The following PRRT3 variants were observed in gnomAD, a reference collection of about 807,000 sequenced individuals.
PRRT3 encodes proline rich transmembrane protein 3, also known as proline-rich transmembrane protein 3.
In PRRT3, 48 loss-of-function variants were observed where a neutral mutation model predicts 56.6. The observed-to-expected ratio is 0.85, with a 90% CI of 0.67 to 1.08. The LOEUF is 1.08. Ranked by LOEUF, PRRT3 falls within the 50% of genes least tolerant of loss-of-function variation. The pLI, the probability that PRRT3 is intolerant of heterozygous loss-of-function variation, is 0.00. For synonymous variants in PRRT3, 641 were observed against 619.1 expected (o/e 1.04, Z -0.52); for missense variants, 1,370 against 1,353.1 (o/e 1.01, Z -0.20).
At chr3:9,948,642 T>TATA in intron 3 of PRRT3, 116 bp downstream of exon 3, 1 of 1,240,532 alleles carries the variant, frequency 8.1e-7, no homozygotes, top group Non-Finnish European at 1.2e-6. Flanking sequence ...GCAACTCCTT[T>TATA]AAGGAGGTGA....
In PRRT3 at chr3:9,949,536, T is replaced by A; in HGVS notation, c.580A>T (p.Ser194Cys). The change falls in exon 2 of 4, where the codon AGC becomes TGC. Residue 194 changes from serine (S) to cysteine (C), a missense_variant. Coordinates refer to ENST00000412055, the MANE Select transcript of PRRT3 (RefSeq NM_207351.5). This position sits in a 1 kb window ranked among gnomAD's most constrained non-coding sequence, Gnocchi z 4.5. ...GAGGGAGAAGTGGGTGGGACCCTGC[T>A]CTTAGTTTTGGCCTTCAGACCCTCA... ...RDEGLKAKTKSRVPPTSPSDH... is the reference protein window; with the variant it reads ...RDEGLKAKTKCRVPPTSPSDH... The A allele has an allele frequency of 6.2e-7, 1 of 1,613,994 alleles. No individual in the cohort carries two copies. The highest frequency in any genetic ancestry group is 1.1e-5 in the South Asian group (1 of 91,080).
rs1349890937 is a variant in PRRT3, at chr3:9,949,727, G to A, written c.389C>T (p.Pro130Leu). 6.2e-7 allele frequency: 1 copy of A among 1,614,174 alleles called. No individual in the cohort carries two copies. Among genetic ancestry groups the A allele is most frequent in the East Asian group, 2.2e-5 (1 of 44,886 alleles). ...CTGCAGAAGCTCTTGTGAGTCCAGA[G>A]GTCCTGTCCAGCCGTGGGAGCTTGG... ...QGPSSHGWTG[P>L]LDSQELLQQE... is the part of the protein sequence containing the mutation. Residue 130 changes from proline (P) to leucine (L), a missense_variant, in exon 2 of 4, where the codon CCT becomes CTT. Coordinates refer to ENST00000412055, the MANE Select transcript of PRRT3 (RefSeq NM_207351.5). The surrounding 1 kb of genome is among the most constrained non-coding windows in gnomAD (Gnocchi z 4.5).
rs1046302975 is a variant in PRRT3 at position 9,946,410 on chromosome 3, G to A, written c.2763C>T (p.His921=). ...GCAGACTGTCCACTGATGACAGCCC[G>A]TGGCGCCAGGGGTTCCAACTGATCT... is the stretch of plus-strand genomic sequence containing the variant. The part of the protein sequence containing the change: ...SLKISWNPWR[H]GLSSVDSLPL... Residue 921 remains histidine (H), a synonymous_variant, in exon 4 of 4, where the codon CAC becomes CAT. Transcript: ENST00000412055. This position sits in a 1 kb window ranked among gnomAD's most constrained non-coding sequence, Gnocchi z 4.1. The A allele has an allele frequency of 1.2e-6, 2 of 1,605,572 alleles. No homozygotes were observed. The highest frequency in any genetic ancestry group is 1.7e-6 in the Non-Finnish European group (2 of 1,175,394).
chr3:9,949,549 C>T lies in PRRT3; in HGVS notation c.567G>A (p.Lys189=), dbSNP rs1042255479. 1.2e-6 allele frequency: 2 copies of T among 1,614,094 alleles called. No individual in the cohort carries two copies. Among genetic ancestry groups the T allele is most frequent in the African/African-American group, 2.7e-5 (2 of 75,036 alleles). Reference sequence around the variant, plus strand: ...GTGGGACCCTGCTCTTAGTTTTGGCCTTCAGACCCTCATCTCTAGGTGGCC... The same window carrying T: ...GTGGGACCCTGCTCTTAGTTTTGGCTTTCAGACCCTCATCTCTAGGTGGCC... ...GQWPPRDEGL[K]AKTKSRVPPT... Residue 189 remains lysine (K), a synonymous_variant, in exon 2 of 4, where the codon AAG becomes AAA. Coordinates refer to ENST00000412055, the MANE Select transcript of PRRT3 (RefSeq NM_207351.5). This position sits in a 1 kb window ranked among gnomAD's most constrained non-coding sequence, Gnocchi z 4.5.
rs2085510366 is a variant in PRRT3 at position 9,945,989 on chromosome 3, T to C, written c.*238A>G. ...GCTGGGACTACAGGCGTGTGCCACC[T>C]GGCTAATTTTTTTGTATTTTTAGTA... On this transcript the variant is annotated 3_prime_UTR_variant, in exon 4 of 4. Coordinates refer to ENST00000412055, the MANE Select transcript of PRRT3 (RefSeq NM_207351.5). The C allele has an allele frequency of 1.9e-6, 1 of 517,824 alleles. No individual in the cohort carries two copies. The highest frequency in any genetic ancestry group is 2.4e-5 in the South Asian group (1 of 42,546). The allele number at this position is 517,824 out of a possible 1,614,324, so 32.1% of individuals were successfully genotyped here.
rs746606686 is a variant in PRRT3, at chr3:9,946,755, C to T, written c.2418G>A (p.Pro806=). 2.4e-5 allele frequency: 37 copies of T among 1,531,548 alleles called. No homozygotes were observed. The African/African-American group carries it at 3.6e-4, about 15-fold the overall frequency. The allele number at this position is 1,531,548 out of a possible 1,614,324, so 94.9% of individuals were successfully genotyped here. The change falls in exon 4 of 4, where the codon CCG becomes CCA. Residue 806 remains proline (P), a synonymous_variant. Coordinates refer to ENST00000412055, the MANE Select transcript of PRRT3 (RefSeq NM_207351.5). The surrounding 1 kb of genome is among the most constrained non-coding windows in gnomAD (Gnocchi z 4.1). The part of the protein sequence containing the change: ...APSLSELDLR[P]PSPINLSRSI... ...TGCGGCTCAGGTTGATGGGCGATGG[C>T]GGCCGCAGATCCAGCTCGCTCAGCG...
chr3:9,946,449 G>A lies in PRRT3; in HGVS notation c.2724C>T (p.Ser908=). The part of the protein sequence containing the change: ...AASGSSLDSF[S]RGSLKISWNP... ...TCCAACTGATCTTGAGTGAACCCCTGGAGAAGCTGTCGAGGGAGCTGCCAG... is the reference window on the plus strand; with the variant it reads ...TCCAACTGATCTTGAGTGAACCCCTAGAGAAGCTGTCGAGGGAGCTGCCAG... The change falls in exon 4 of 4, where the codon TCC becomes TCT. Residue 908 remains serine, a synonymous_variant. Coordinates refer to ENST00000412055, the MANE Select transcript of PRRT3 (RefSeq NM_207351.5). This position sits in a 1 kb window ranked among gnomAD's most constrained non-coding sequence, Gnocchi z 4.1. 1.3e-6 allele frequency: 2 copies of A among 1,582,186 alleles called. No individual in the cohort carries two copies. Among genetic ancestry groups the A allele is most frequent in the Non-Finnish European group, 1.7e-6 (2 of 1,164,544 alleles).
chr3:9,946,790 G>T lies in PRRT3; in HGVS notation c.2383C>A (p.Pro795Thr). 1.3e-6 allele frequency: 2 copies of T among 1,552,950 alleles called. No homozygotes were observed. Among genetic ancestry groups the T allele is most frequent in the Non-Finnish European group, 8.6e-7 (1 of 1,157,354 alleles). ...GPGLSRNGVG[P>T]APSLSELDLR... ...TCCAGCTCGCTCAGCGATGGCGCCG[G>T]TCCCACACCGTTGCGGGACAGTCCC... Residue 795 changes from proline (P) to threonine (T), a missense_variant, in exon 4 of 4, where the codon CCG becomes ACG. Pro to Thr is a conservative substitution (Grantham distance 38). Coordinates refer to ENST00000412055, the MANE Select transcript of PRRT3 (RefSeq NM_207351.5). This position sits in a 1 kb window ranked among gnomAD's most constrained non-coding sequence, Gnocchi z 4.1.
At position 9,945,979 on chromosome 3, in the gene PRRT3, G is replaced by A; in HGVS notation, c.*248C>T. On this transcript the variant is annotated 3_prime_UTR_variant, in exon 4 of 4. Transcript: ENST00000412055. ...CTCCCGAGTAGCTGGGACTACAGGC[G>A]TGTGCCACCTGGCTAATTTTTTTGT... The A allele has an allele frequency of 2.2e-6, 1 of 459,136 alleles. No individual in the cohort carries two copies. The highest frequency in any genetic ancestry group is 3.8e-6 in the Non-Finnish European group (1 of 263,080). 28.4% of individuals were successfully genotyped at this position (459,136 alleles called of 1,614,324 possible). A position where few individuals can be genotyped will look rare whatever the true frequency, so the allele number is the denominator to read the frequency against.
rs764907509 is a variant in PRRT3 at position 9,947,628 on chromosome 3, C to T, written c.1545G>A (p.Ala515=). The T allele has an allele frequency of 6.3e-7, 1 of 1,580,012 alleles. No individual in the cohort carries two copies. Among genetic ancestry groups the T allele is most frequent in the Non-Finnish European group, 8.6e-7 (1 of 1,162,818 alleles). The change falls in exon 4 of 4, where the codon GCG becomes GCA. Residue 515 remains alanine, a synonymous_variant. Coordinates refer to ENST00000412055, the MANE Select transcript of PRRT3 (RefSeq NM_207351.5). The surrounding 1 kb of genome is among the most constrained non-coding windows in gnomAD (Gnocchi z 9.2). ...VAAVLVLVAS[A]LRSAYMLTDP... is the part of the protein sequence containing the mutation. ...CGGTAAGCATGTAGGCGGATCGCAG[C>T]GCCGAAGCCACGAGCACCAGCACCG...
chr3:9,947,688 GGCTGCCAGCGCAGCCAGCGCCAACAAC>G lies in PRRT3; in HGVS notation c.1458_1484del (p.Leu487_Ala495del). ...ATGCCAGCCGGGGCCCTGCTGGGGC[GGCTGCCAGCGCAGCCAGCGCCAACAAC>G]GCGGGCAGCAGAAAGAGTACCCCCA... is the stretch of plus-strand genomic sequence containing the variant. On this transcript the variant is annotated inframe_deletion, in exon 4 of 4. Coordinates refer to ENST00000412055, the MANE Select transcript of PRRT3 (RefSeq NM_207351.5). The surrounding 1 kb of genome is among the most constrained non-coding windows in gnomAD (Gnocchi z 9.2). The G allele has an allele frequency of 6.4e-7, 1 of 1,568,148 alleles. No individual in the cohort carries two copies. The highest frequency in any genetic ancestry group is 8.6e-7 in the Non-Finnish European group (1 of 1,160,460).
Position 9,946,362 on chromosome 3 carries a change from C to T in PRRT3, c.2811G>A (p.Thr937=), listed in dbSNP as rs747457962. 4.3e-6 allele frequency: 7 copies of T among 1,609,354 alleles called. No individual in the cohort carries two copies. Among genetic ancestry groups the T allele is most frequent in the Non-Finnish European group, 5.9e-6 (7 of 1,177,752 alleles). Reference sequence around the variant, plus strand: ...GGGTCGGGGCAGGCAGTAGCTGTACCGTGCTGGGCAACTCATCTAGGGGCA... The same window carrying T: ...GGGTCGGGGCAGGCAGTAGCTGTACTGTGCTGGGCAACTCATCTAGGGGCA... The part of the protein sequence containing the change: ...DSLPLDELPS[T]VQLLPAPTPA... Residue 937 remains threonine (T), a synonymous_variant, in exon 4 of 4, where the codon ACG becomes ACA. Transcript: ENST00000412055. This position sits in a 1 kb window ranked among gnomAD's most constrained non-coding sequence, Gnocchi z 4.1.
chr3:9,946,734 G>C lies in PRRT3; in HGVS notation c.2439C>G (p.Ser813Arg). The change falls in exon 4 of 4, where the codon AGC becomes AGG. Residue 813 changes from serine to arginine, a missense_variant. By Grantham distance (110) the Ser-to-Arg change is moderately radical. Coordinates refer to ENST00000412055, the MANE Select transcript of PRRT3 (RefSeq NM_207351.5). This position sits in a 1 kb window ranked among gnomAD's most constrained non-coding sequence, Gnocchi z 4.1. ...DLRPPSPINLSRSIDAALFRE... is the reference protein window; with the variant it reads ...DLRPPSPINLRRSIDAALFRE... ...GGAAGAGCGCGGCGTCGATGCTGCG[G>C]CTCAGGTTGATGGGCGATGGCGGCC... is the stretch of plus-strand genomic sequence containing the variant. 6.6e-7 allele frequency: 1 copy of C among 1,515,172 alleles called. No homozygotes were observed. Among genetic ancestry groups the C allele is most frequent in the South Asian group, 1.3e-5 (1 of 77,434 alleles). 93.9% of individuals were successfully genotyped at this position (1,515,172 alleles called of 1,614,324 possible).
Position 9,946,976 on chromosome 3 carries a change from G to A in PRRT3, c.2197C>T (p.Pro733Ser), listed in dbSNP as rs1373264525. 10 of 1,543,970 alleles carry A rather than the reference G, an allele frequency of 6.5e-6. No homozygotes were observed. The highest frequency in any genetic ancestry group is 8.7e-6 in the Non-Finnish European group (10 of 1,149,570). ...PSGKSEVPER[P>S]NNCYAGPSNV... Reference sequence around the variant, plus strand: ...CTGGGCCCTGCATAGCAGTTATTGGGTCGCTCCGGCACCTCGCTCTTTCCT... The same window carrying A: ...CTGGGCCCTGCATAGCAGTTATTGGATCGCTCCGGCACCTCGCTCTTTCCT... The change falls in exon 4 of 4, where the codon CCC (proline) becomes TCC (serine). Residue 733 changes from proline (P) to serine (S), a missense_variant. Transcript: ENST00000412055. This position sits in a 1 kb window ranked among gnomAD's most constrained non-coding sequence, Gnocchi z 4.1.
At position 9,947,912 on chromosome 3, in the gene PRRT3, G is replaced by A; in HGVS notation, c.1261C>T (p.Arg421Ter). ...CCCAGGGCTCGCTGCGTGGTGACTCGAATGAGGCCCCGGCGTGACGTCGAG... is the reference window on the plus strand; with the variant it reads ...CCCAGGGCTCGCTGCGTGGTGACTCAAATGAGGCCCCGGCGTGACGTCGAG... ...APSTSRRGLI[R>*]VTTQRALGQP... Residue 421 changes from arginine (R) to a stop codon, truncating the protein, a stop_gained, in exon 4 of 4, where the codon CGA becomes TGA. Coordinates refer to ENST00000412055, the MANE Select transcript of PRRT3 (RefSeq NM_207351.5). LOFTEE classifies it high-confidence loss of function. This position sits in a 1 kb window ranked among gnomAD's most constrained non-coding sequence, Gnocchi z 9.2. 7.0e-7 allele frequency: 1 copy of A among 1,421,720 alleles called. No homozygotes were observed. The highest frequency in any genetic ancestry group is 9.2e-7 in the Non-Finnish European group (1 of 1,090,856). The allele number at this position is 1,421,720 out of a possible 1,614,324, so 88.1% of individuals were successfully genotyped here.
Position 9,949,586 on chromosome 3 carries a change from T to C in PRRT3, c.530A>G (p.Gln177Arg). ...ATCTCTAGGTGGCCACTGTCCCTCTTGGCCTTCATGCTGCAGGGAGGGAGG... is the reference window on the plus strand; with the variant it reads ...ATCTCTAGGTGGCCACTGTCCCTCTCGGCCTTCATGCTGCAGGGAGGGAGG... ...TVPPSLQHEG[Q>R]EGQWPPRDEG... Residue 177 changes from glutamine (Q) to arginine (R), a missense_variant, in exon 2 of 4, where the codon CAA becomes CGA. Transcript: ENST00000412055. The surrounding 1 kb of genome is among the most constrained non-coding windows in gnomAD (Gnocchi z 4.5). 1 of 1,614,126 alleles carries C rather than the reference T, an allele frequency of 6.2e-7. No individual in the cohort carries two copies. The highest frequency in any genetic ancestry group is 8.5e-7 in the Non-Finnish European group (1 of 1,180,036).
Position 9,948,830 on chromosome 3 carries a change from G to A in PRRT3, c.1099C>T (p.Leu367Phe), listed in dbSNP as rs761011591. The A allele has an allele frequency of 4.3e-6, 7 of 1,613,300 alleles. No individual in the cohort carries two copies. The highest frequency in any genetic ancestry group is 1.7e-5 in the Admixed American group (1 of 59,858). Reference sequence around the variant, plus strand: ...CCAGGGTCTGAGGGACCAGGGATGAGAGACTTGGGGGTGCCTGGGGCCTCC... The same window carrying A: ...CCAGGGTCTGAGGGACCAGGGATGAAAGACTTGGGGGTGCCTGGGGCCTCC... ...AVEAPGTPKS[L>F]IPGPSDPGPA... The change falls in exon 3 of 4, where the codon CTC (leucine) becomes TTC (phenylalanine). Residue 367 changes from leucine to phenylalanine, a missense_variant. Leu to Phe is a conservative substitution (Grantham distance 22). Transcript: ENST00000412055.
At chr3:9,950,538 T>C (rs1184347265) in intron 1 of PRRT3, among the ~76,000 whole-genome samples, 1 of 152,262 alleles carries the variant, frequency 6.6e-6, no homozygotes, top group Non-Finnish European at 1.5e-5. Flanking sequence ...AGTCTTGCTC[T>C]GTCGCTCAGG....
Position 9,949,359 on chromosome 3 carries a change from C to G in PRRT3, c.757G>C (p.Gly253Arg), listed in dbSNP as rs200671160. ...ACCACCTCAACTGGGGGTACTGAGC[C>G]AACATCAGGGGCTGCTGGATCCTGC... ...TQQDPAAPDV[G>R]SVPPVEVVYS... The change falls in exon 2 of 4, where the codon GGC becomes CGC. Residue 253 changes from glycine to arginine, a missense_variant. Transcript: ENST00000412055. The surrounding 1 kb of genome is among the most constrained non-coding windows in gnomAD (Gnocchi z 4.5). 24 of 1,614,064 alleles carry G rather than the reference C, an allele frequency of 1.5e-5. No individual in the cohort carries two copies. The Admixed American group carries it at 1.7e-4, about 11-fold the overall frequency.
Sources: allele counts gnomAD v4.1 joint callset (sites outside exome capture counted in the v4.1 genomes callset), GRCh38; gene constraint gnomAD v4.1.1; non-coding constraint Gnocchi (gnomAD v3.1); transcripts MANE v1.5; gene names NCBI Gene and HGNC (gene_info 2026-07-23, HGNC 2026-07-21).